Variants in PHACTR1 observed in about 807,000 individuals in gnomAD.
PHACTR1 encodes RPEL repeat containing 1.
A neutral mutation model predicts 69.2 loss-of-function variants in PHACTR1; 16 were observed. The ratio of observed to expected loss-of-function variants is 0.23; its 90% CI spans 0.16 to 0.35. The LOEUF is 0.35. Among genes scored for constraint, PHACTR1 ranks in the 10% least tolerant of loss-of-function variants. The probability of loss-of-function intolerance (pLI) is 1.00; values close to 1 mark genes in which losing one functional copy is unlikely to be tolerated. For missense variants in PHACTR1, 510 were observed against 734.7 expected (o/e 0.69, Z 3.54); for synonymous variants, 312 against 284.5 (o/e 1.10, Z -0.97).
At chr6:12,990,860 C>A (rs999623532) in intron 4 of PHACTR1, among the ~76,000 whole-genome samples, 1 of 152,050 alleles carries the variant, frequency 6.6e-6, no homozygotes, top group Admixed American at 6.5e-5. Flanking sequence ...CCAGAGACGA[C>A]CGGGCTCCTC....
chr6:12,889,804 T>TTC (rs1161223639), intron 4 of PHACTR1, among the ~76,000 whole-genome samples: 1 of 150,614 alleles, frequency 6.6e-6, no homozygotes, highest in Non-Finnish European at 1.5e-5. Context: ...TTCCTTTTTT[T>TTC]TTTTTTTTTT....
In PHACTR1 at chr6:12,851,524, T is replaced by A. The variant is rs375748448; in HGVS notation, c.250+101734T>A. On this transcript the variant is annotated intron_variant, in intron 4 of 14. Transcript: ENST00000332995. ...TCTAATGCAATAAAAGGTTCCATTT[T>A]ATCCTTAATTACGCAAGCACCCAGT... Among the ~76,000 whole-genome samples the A allele has an allele frequency of 2.6e-5, 4 of 152,180 alleles. No individual in the cohort carries two copies. In the East Asian group the frequency reaches 5.8e-4, roughly 22 times the overall value.
chr6:13,064,890 G>C (rs1295424528), intron 5 of PHACTR1, among the ~76,000 whole-genome samples: 1 of 151,908 alleles, frequency 6.6e-6, no homozygotes, highest in African/African-American at 2.4e-5. Flanking sequence ...GGAATAGATT[G>C]AAATACAGAT....
chr6:12,806,218 T>G (rs545215626), intron 4 of PHACTR1, among the ~76,000 whole-genome samples: 1 of 152,216 alleles, frequency 6.6e-6, no homozygotes, highest in East Asian at 1.9e-4. Flanking sequence ...TCAACCGCAG[T>G]GTCTACCATC....
At chr6:12,949,141 A>G (rs1181358291) in intron 4 of PHACTR1, among the ~76,000 whole-genome samples, 1 of 152,028 alleles carries the variant, frequency 6.6e-6, no homozygotes, top group African/African-American at 2.4e-5. Flanking sequence ...GTAGCAGTGC[A>G]TGCCTGTAAT....
chr6:13,238,232 C>G (rs1772298679), intron 10 of PHACTR1, among the ~76,000 whole-genome samples: 1 of 152,206 alleles, frequency 6.6e-6, no homozygotes, highest in African/African-American at 2.4e-5. Context: ...TAGCTTCAAT[C>G]TACACTGAAG....
At chr6:13,076,435 C>A (rs1810485767) in intron 5 of PHACTR1, among the ~76,000 whole-genome samples, 1 of 152,136 alleles carries the variant, frequency 6.6e-6, no homozygotes, top group Non-Finnish European at 1.5e-5. Context: ...ATGCAACAAA[C>A]ACGGAACACC....
chr6:12,728,351 C>A (rs539170438), intron 3 of PHACTR1, among the ~76,000 whole-genome samples: 3 of 152,058 alleles, frequency 2.0e-5, no homozygotes, highest in Non-Finnish European at 4.4e-5. Flanking sequence ...CAACCCTACA[C>A]AACTATTTAA....
chr6:13,145,668 A>G (rs533557713), intron 5 of PHACTR1, among the ~76,000 whole-genome samples: 68 of 152,312 alleles, frequency 4.5e-4, no homozygotes, highest in African/African-American at 1.5e-3. Flanking sequence ...AAGAGACACC[A>G]GAGAGCTCTC....
At chr6:12,816,222 A>G (rs776275142) in intron 4 of PHACTR1, among the ~76,000 whole-genome samples, 1 of 152,250 alleles carries the variant, frequency 6.6e-6, no homozygotes, top group Non-Finnish European at 1.5e-5. Flanking sequence ...GTACTTGATG[A>G]TACCTGATAT....
intron 4 of PHACTR1, among the ~76,000 whole-genome samples, chr6:12,840,289 G>T (rs1471780461): frequency 1.4e-5 from 2 of 148,100 alleles, no homozygotes; most frequent in African/African-American, 5.1e-5. Context: ...AAGAATGCAT[G>T]GTATGGATCT....
chr6:12,839,117 T>C (rs1778447716), intron 4 of PHACTR1, among the ~76,000 whole-genome samples: 1 of 152,184 alleles, frequency 6.6e-6, no homozygotes, highest in African/African-American at 2.4e-5. Context: ...GTCACATGGC[T>C]AGCAAGTAGC....
rs911332535 is a variant in PHACTR1 at position 13,053,409 on chromosome 6, G to A, written c.295G>A (p.Val99Ile). 4.3e-6 allele frequency: 7 copies of A among 1,613,022 alleles called. No individual in the cohort carries two copies. Among genetic ancestry groups the A allele is most frequent in the Middle Eastern group, 1.6e-4 (1 of 6,082 alleles). Residue 99 changes from valine to isoleucine, a missense_variant, in exon 5 of 15, where the codon GTC (valine) becomes ATC (isoleucine). Val to Ile is a conservative substitution (Grantham distance 29, BLOSUM62 3). Coordinates refer to ENST00000332995, the MANE Select transcript of PHACTR1 (RefSeq NM_030948.6). ...RLAAMRSDSL[V>I]PGTHTPPIRR... ...GGCGGCGATGCGTTCTGACTCCCTC[G>A]TCCCAGGCACCCACACCCCACCCAT...
intron 5 of PHACTR1, among the ~76,000 whole-genome samples, chr6:13,120,485 C>A (rs1818540546): frequency 6.6e-6 from 1 of 152,206 alleles, no homozygotes; most frequent in African/African-American, 2.4e-5. Flanking sequence ...ACGCTGCTGG[C>A]CACTTCTGTC....
intron 4 of PHACTR1, among the ~76,000 whole-genome samples, chr6:12,878,754 G>T (rs928930620): frequency 1.3e-5 from 2 of 152,198 alleles, no homozygotes; most frequent in African/African-American, 4.8e-5. Flanking sequence ...TAGAGCACCA[G>T]TGAGCAGCTC....
intron 4 of PHACTR1, chr6:12,957,233 G>A (rs1791998626): frequency 4.4e-6 from 2 of 454,176 alleles, no homozygotes; most frequent in Admixed American, 9.2e-5. Flanking sequence ...CAAACTGCAT[G>A]TTAAAAAGCT....
At chr6:12,831,108 A>T (rs1190541377) in intron 4 of PHACTR1, among the ~76,000 whole-genome samples, 1 of 152,232 alleles carries the variant, frequency 6.6e-6, no homozygotes, top group Non-Finnish European at 1.5e-5. Flanking sequence ...TTCTTCTAGA[A>T]AAAGAAAATA....
intron 4 of PHACTR1, among the ~76,000 whole-genome samples, chr6:12,970,549 A>G (rs144424160): frequency 1.3e-5 from 2 of 152,220 alleles, no homozygotes; most frequent in South Asian, 2.1e-4. Context: ...GCAGAAGGTC[A>G]GGAGATCGAG....
At chr6:12,830,176 A>G (rs945684306) in intron 4 of PHACTR1, among the ~76,000 whole-genome samples, 4 of 151,888 alleles carry the variant, frequency 2.6e-5, no homozygotes, top group Non-Finnish European at 5.9e-5. Context: ...ACTTTACTGA[A>G]GACACTCCAT....
Sources: allele counts gnomAD v4.1 joint callset (sites outside exome capture counted in the v4.1 genomes callset), GRCh38; gene constraint gnomAD v4.1.1; transcripts MANE v1.5; gene names NCBI Gene and HGNC (gene_info 2026-07-23, HGNC 2026-07-21).